WDR25: variants seen among roughly 807,000 people sequenced by gnomAD.
WDR25 encodes WD repeat-containing protein 25.
A neutral mutation model predicts 47.7 loss-of-function variants in WDR25; 35 were observed. The observed-to-expected ratio is 0.73, with a 90% CI of 0.56 to 0.97. WDR25 has a LOEUF of 0.97. WDR25 is among the 50% of genes least tolerant of loss of function. WDR25 has a pLI of 0.00. For synonymous variants in WDR25, 248 were observed against 278.9 expected (o/e 0.89, Z 1.10); for missense variants, 634 against 704.7 (o/e 0.90, Z 1.14).
chr14:100,383,408 G>A (rs1896950153), intron 2 of WDR25, among the ~76,000 whole-genome samples: 1 of 152,244 alleles, frequency 6.6e-6, no homozygotes, highest in Non-Finnish European at 1.5e-5. Context: ...TGGAGGATGG[G>A]AAGCCCATCT....
chr14:100,387,292 A>G (rs35492823), intron 2 of WDR25, among the ~76,000 whole-genome samples: 27,812 of 151,734 alleles, frequency 0.18, 2,701 homozygotes, highest in Non-Finnish European at 0.21. Context: ...ACTTACTGTA[A>G]CTCTTGTTTT....
Position 100,407,308 on chromosome 14 carries a change from G to A in WDR25, c.822+25562G>A, listed in dbSNP as rs1897568163. 6.6e-6 allele frequency: 1 copy of A among 152,180 alleles called. No homozygotes were observed. 9.4% of individuals were successfully genotyped at this position (152,180 alleles called of 1,614,324 possible). On this transcript the variant is annotated intron_variant, in intron 2 of 6. Transcript: ENST00000402312. This position sits in a 1 kb window ranked among gnomAD's most constrained non-coding sequence, Gnocchi z 4.1. ...CTCCTTTGACATTAATAACCCCCCT[G>A]TTTACTCTCAGGCTCACATACCTCT...
intron 4 of WDR25, 59 bp downstream of exon 4, chr14:100,484,183 A>G (rs1595135998): frequency 1.3e-6 from 2 of 1,564,006 alleles, no homozygotes; most frequent in East Asian, 4.5e-5. Context: ...GACAATTTGA[A>G]TAATTGGGGG....
At chr14:100,394,324 G>T (rs1897210518) in intron 2 of WDR25, among the ~76,000 whole-genome samples, 1 of 152,160 alleles carries the variant, frequency 6.6e-6, no homozygotes, top group Non-Finnish European at 1.5e-5. Flanking sequence ...TGGTGGACTT[G>T]GGGGATGGCT....
At chr14:100,455,241 G>A (rs1899162536) in intron 2 of WDR25, 1 of 152,172 alleles carries the variant, frequency 6.6e-6, no homozygotes, top group Non-Finnish European at 1.5e-5. Flanking sequence ...GTTAAATTCT[G>A]GAACTGAAAA....
At chr14:100,453,954 C>A (rs563295953) in intron 2 of WDR25, among the ~76,000 whole-genome samples, 2 of 152,334 alleles carry the variant, frequency 1.3e-5, no homozygotes, top group South Asian at 2.1e-4. Flanking sequence ...CAGGTACTTA[C>A]AGATGCTGAT....
intron 3 of WDR25, among the ~76,000 whole-genome samples, chr14:100,469,535 A>G (rs902330743): frequency 8.5e-5 from 13 of 152,194 alleles, no homozygotes; most frequent in Non-Finnish European, 1.3e-4. Context: ...TGTCTGTACA[A>G]CTACAGATTC....
intron 3 of WDR25, among the ~76,000 whole-genome samples, chr14:100,469,421 A>C (rs979327166): frequency 3.1e-4 from 47 of 152,292 alleles, no homozygotes; most frequent in African/African-American, 1.1e-3. Flanking sequence ...AGCTGCCAGC[A>C]GTGATTATTT....
intron 5 of WDR25, 135 bp downstream of exon 5, chr14:100,526,175 C>A: frequency 8.9e-7 from 1 of 1,118,136 alleles, no homozygotes; most frequent in Non-Finnish European, 1.3e-6. Context: ...TGAGGGTAGT[C>A]AGGTCTCAGC....
At chr14:100,416,984 T>C (rs1416122640) in intron 2 of WDR25, among the ~76,000 whole-genome samples, 1 of 151,832 alleles carries the variant, frequency 6.6e-6, no homozygotes, top group East Asian at 1.9e-4. Context: ...AGCCCAGGGG[T>C]GAGATCTTGC....
chr14:100,471,311 G>C (rs190997785), intron 3 of WDR25, among the ~76,000 whole-genome samples: 3 of 152,290 alleles, frequency 2.0e-5, no homozygotes, highest in East Asian at 3.9e-4. Context: ...GTCCTTGCCA[G>C]GTCCTCCTAT....
intron 4 of WDR25, among the ~76,000 whole-genome samples, chr14:100,521,195 C>G (rs1274639473): frequency 1.3e-5 from 2 of 151,728 alleles, no homozygotes; most frequent in Admixed American, 1.3e-4. Context: ...CACACACACA[C>G]ACACACACAG....
rs1358638791 is a variant in WDR25, at chr14:100,498,380, T to C, written c.1101+14256T>C. On this transcript the variant is annotated intron_variant, in intron 4 of 6. Coordinates refer to ENST00000402312, the MANE Select transcript of WDR25 (RefSeq NM_001161476.3). This position sits in a 1 kb window ranked among gnomAD's most constrained non-coding sequence, Gnocchi z 4.2. The stretch of plus-strand genomic sequence containing the variant: ...GGAGTGGATAGCTCTCTTTCCCCTC[T>C]GCATGCCCCTTTTCCACCAAACAGA... Among the ~76,000 whole-genome samples the C allele has an allele frequency of 6.6e-6, 1 of 152,238 alleles. No homozygotes were observed. The highest frequency in any genetic ancestry group is 1.5e-5 in the Non-Finnish European group (1 of 68,034).
chr14:100,382,981 A>G (rs561524375), intron 2 of WDR25, among the ~76,000 whole-genome samples: 2 of 152,368 alleles, frequency 1.3e-5, no homozygotes, highest in South Asian at 4.1e-4. Context: ...TTGTTTCCTC[A>G]GAGTTCTGGA....
At chr14:100,395,960 C>T (rs1043840637) in intron 2 of WDR25, among the ~76,000 whole-genome samples, 9 of 147,862 alleles carry the variant, frequency 6.1e-5, no homozygotes, top group African/African-American at 2.2e-4. Context: ...GATTGTTCCA[C>T]ATCTGTGAAA....
rs1226765543 is a variant in WDR25, at chr14:100,496,828, C to CTTTTTTTTTTT, written c.1101+12718_1101+12728dup. ...TTTCTTTTTCTTTTTTTCTTTAATT[C>CTTTTTTTTTTT]TTTTTTTTTTTTTTTTTTTTTTTTG... On this transcript the variant is annotated intron_variant, in intron 4 of 6. Coordinates refer to ENST00000402312, the MANE Select transcript of WDR25 (RefSeq NM_001161476.3). Among the ~76,000 whole-genome samples, 52 of 73,424 alleles carry CTTTTTTTTTTT rather than the reference C, an allele frequency of 7.1e-4. 1 individual carries two copies. The highest frequency in any genetic ancestry group is 7.8e-4 in the Non-Finnish European group (32 of 40,782). 48.2% of individuals were successfully genotyped at this position (73,424 alleles called of 152,430 possible). A position where few individuals can be genotyped will look rare whatever the true frequency, so the allele number is the denominator to read the frequency against.
At chr14:100,394,867 C>T (rs982867894) in intron 2 of WDR25, among the ~76,000 whole-genome samples, 1 of 152,182 alleles carries the variant, frequency 6.6e-6, no homozygotes, top group Admixed American at 6.5e-5. Flanking sequence ...TGCCTGTAGT[C>T]CCAGCTACTT....
At chr14:100,414,208 G>A (rs1897800630) in intron 2 of WDR25, among the ~76,000 whole-genome samples, 1 of 151,984 alleles carries the variant, frequency 6.6e-6, no homozygotes, top group Non-Finnish European at 1.5e-5. Flanking sequence ...ATGTTGGCCA[G>A]GCTCGTCTTG....
intron 2 of WDR25, among the ~76,000 whole-genome samples, chr14:100,382,958 G>A (rs1360136359): frequency 6.6e-6 from 1 of 152,220 alleles, no homozygotes; most frequent in African/African-American, 2.4e-5. Context: ...AGTAAATGGT[G>A]GTTCCCTTGC....
Sources: allele counts gnomAD v4.1 joint callset (sites outside exome capture counted in the v4.1 genomes callset), GRCh38; gene constraint gnomAD v4.1.1; non-coding constraint Gnocchi (gnomAD v3.1); transcripts MANE v1.5; gene names NCBI Gene and HGNC (gene_info 2026-07-23, HGNC 2026-07-21).